DISC1: variants seen among roughly 807,000 people sequenced by gnomAD.
The protein encoded by DISC1 is DISC1 scaffold protein.
A neutral mutation model predicts 84.5 loss-of-function variants in DISC1; 57 were observed. That is an observed-to-expected ratio of 0.67 (90% CI 0.55 to 0.84). The LOEUF (loss-of-function observed/expected upper bound fraction) is 0.84. Among genes scored for constraint, DISC1 ranks in the 40% least tolerant of loss-of-function variants. DISC1 has a pLI of 0.00. For synonymous variants in DISC1, 411 were observed against 415.2 expected (o/e 0.99, Z 0.12); for missense variants, 1,000 against 1,057.8 (o/e 0.95, Z 0.76).
chr1:231,728,784 T>C (rs2125158831), intron 3 of DISC1, among the ~76,000 whole-genome samples: 1 of 152,150 alleles, frequency 6.6e-6, no homozygotes, highest in Admixed American at 6.5e-5. Context: ...CTAAAATGTG[T>C]CCTGCAGAGC....
intron 2 of DISC1, 85 bp downstream of exon 2, chr1:231,694,890 G>T: frequency 6.4e-7 from 1 of 1,554,162 alleles, no homozygotes; most frequent in Non-Finnish European, 8.7e-7. Flanking sequence ...GAGGGGTTCT[G>T]GGCTCAACTG....
chr1:231,648,494 A>C (rs575244468), intron 1 of DISC1, among the ~76,000 whole-genome samples: 1 of 152,220 alleles, frequency 6.6e-6, no homozygotes, highest in Non-Finnish European at 1.5e-5. Flanking sequence ...ATCGACGTTC[A>C]TCAGGGATAT....
intron 11 of DISC1, among the ~76,000 whole-genome samples, chr1:232,013,143 C>A (rs1289021579): frequency 6.6e-6 from 1 of 152,100 alleles, no homozygotes; most frequent in Non-Finnish European, 1.5e-5. Context: ...TAATTTTTTT[C>A]TTTCCTGTCT....
chr1:231,968,088 TG>T (rs1025358869), intron 10 of DISC1, among the ~76,000 whole-genome samples: 3 of 152,228 alleles, frequency 2.0e-5, no homozygotes, highest in Non-Finnish European at 4.4e-5. Context: ...TTTTCTGCAT[TG>T]GCCTATTGGT....
At chr1:231,878,762 A>G (rs556385490) in intron 9 of DISC1, among the ~76,000 whole-genome samples, 3 of 152,256 alleles carry the variant, frequency 2.0e-5, no homozygotes, top group South Asian at 2.1e-4. Context: ...TAACCCCCCA[A>G]AAGTCACCCT....
intron 3 of DISC1, chr1:231,723,403 C>T: frequency 1.0e-6 from 1 of 985,680 alleles, no homozygotes. Context: ...TCCCTTGCTT[C>T]CAGAATTATT....
chr1:231,896,319 T>A (rs998328307), intron 9 of DISC1, among the ~76,000 whole-genome samples: 15 of 152,174 alleles, frequency 9.9e-5, no homozygotes, highest in Non-Finnish European at 2.2e-4. Context: ...GGTATTTAAA[T>A]AATCAGCATA....
intron 6 of DISC1, among the ~76,000 whole-genome samples, chr1:231,785,221 CTGTGTGTGTGTG>C (rs71573141): frequency 1.3e-4 from 18 of 136,512 alleles, no homozygotes; most frequent in African/African-American, 3.0e-4. Flanking sequence ...ACAGATTTGT[CTGTGTGTGTGTG>C]TGTGTGTGTG....
intron 6 of DISC1, among the ~76,000 whole-genome samples, chr1:231,774,477 C>T (rs1409312568): frequency 6.6e-6 from 1 of 152,088 alleles, no homozygotes; most frequent in Non-Finnish European, 1.5e-5. Context: ...TGGAGTGTGG[C>T]CACCCTGAGA....
intron 9 of DISC1, among the ~76,000 whole-genome samples, chr1:231,889,979 G>T (rs138740670): frequency 6.6e-6 from 1 of 152,144 alleles, no homozygotes; most frequent in African/African-American, 2.4e-5. Flanking sequence ...GGTTAATACC[G>T]AAGGGAGGTG....
chr1:231,697,627 T>A, intron 2 of DISC1, among the ~76,000 whole-genome samples: 1 of 148,326 alleles, frequency 6.7e-6, no homozygotes, highest in African/African-American at 2.5e-5. Flanking sequence ...TTTTTTTTTT[T>A]GGGTAGAGAT....
intron 6 of DISC1, among the ~76,000 whole-genome samples, chr1:231,793,706 C>G (rs1426199660): frequency 6.6e-6 from 1 of 152,172 alleles, no homozygotes; most frequent in African/African-American, 2.4e-5. Context: ...TCATATTGCT[C>G]TCTTGCTAGA....
chr1:232,027,945 C>T (rs574477340), intron 12 of DISC1, among the ~76,000 whole-genome samples: 5 of 152,062 alleles, frequency 3.3e-5, no homozygotes, highest in East Asian at 1.9e-4. Context: ...CATTTTTGAC[C>T]TTGTTTATTA....
chr1:231,646,890 C>T (rs1246354567), intron 1 of DISC1, among the ~76,000 whole-genome samples: 2 of 152,126 alleles, frequency 1.3e-5, no homozygotes, highest in Admixed American at 1.3e-4. Context: ...ATCCTTTGCC[C>T]ACTTTTTGAT....
intron 3 of DISC1, among the ~76,000 whole-genome samples, chr1:231,742,185 GTGTGTATTTGCCTCA>G (rs2073369677): frequency 6.6e-6 from 1 of 152,170 alleles, no homozygotes; most frequent in South Asian, 2.1e-4. Context: ...ACATATTAAA[GTGTGTATTTGCCTCA>G]TGGCTTTTGC....
At chr1:231,750,842 TACTTAGTTA>T (rs1219713969) in intron 4 of DISC1, among the ~76,000 whole-genome samples, 2 of 152,250 alleles carry the variant, frequency 1.3e-5, no homozygotes, top group Admixed American at 1.3e-4. Flanking sequence ...GGTCTGGTTC[TACTTAGTTA>T]TCAACATGGC....
At chr1:231,661,079 C>T (rs551263361) in intron 1 of DISC1, among the ~76,000 whole-genome samples, 45 of 152,166 alleles carry the variant, frequency 3.0e-4, no homozygotes, top group African/African-American at 9.6e-4. Flanking sequence ...CCCACAATCT[C>T]TTCTGGCTTG....
At chr1:231,831,526 G>T (rs1420077511) in intron 9 of DISC1, among the ~76,000 whole-genome samples, 1 of 152,210 alleles carries the variant, frequency 6.6e-6, no homozygotes, top group Non-Finnish European at 1.5e-5. Flanking sequence ...AGGGACAGAA[G>T]TTGGAGAGCT....
intron 10 of DISC1, among the ~76,000 whole-genome samples, chr1:231,965,745 G>A (rs1661017627): frequency 6.6e-6 from 1 of 152,202 alleles, no homozygotes; most frequent in Admixed American, 6.5e-5. Flanking sequence ...CATTAACTGT[G>A]CTCCACAGCA....
Sources: gnomAD v4.1 joint callset for allele counts (sites outside exome capture counted in the v4.1 genomes callset) on GRCh38, gnomAD v4.1.1 for gene constraint, MANE v1.5 for transcripts, NCBI Gene and HGNC (gene_info 2026-07-23, HGNC 2026-07-21) for gene names.